AMHR2: variants seen among roughly 807,000 people sequenced by gnomAD.
AMHR2 encodes the protein anti-Mullerian hormone receptor type 2.
AMHR2 carries 36 observed loss-of-function variants against 61.4 expected under a neutral mutation model. The observed-to-expected ratio is 0.59, with a 90% CI of 0.45 to 0.77. The LOEUF (loss-of-function observed/expected upper bound fraction) is 0.77, where lower values mean the gene tolerates loss of function less well. Ranked by LOEUF, AMHR2 falls within the 30% of genes least tolerant of loss-of-function variation. The pLI is 0.00. For synonymous variants in AMHR2, 258 were observed against 279.4 expected (o/e 0.92, Z 0.76); for missense variants, 638 against 714.6 (o/e 0.89, Z 1.22).
Position 53,430,144 on chromosome 12 carries a change from AG to A in AMHR2, c.1289-1del. On this transcript the variant is annotated splice_acceptor_variant, in intron 9 of 10. Transcript: ENST00000257863. LOFTEE classifies it high-confidence loss of function. ...ATACCCAGCCCCTCTACCTTCCTCC[AG>A]ACAGCAGTCCACCACCCTTCCAACT... is the stretch of plus-strand genomic sequence containing the variant. 6.2e-7 allele frequency: 1 copy of A among 1,614,134 alleles called. No individual in the cohort carries two copies. Among genetic ancestry groups the A allele is most frequent in the African/African-American group, 1.3e-5 (1 of 75,014 alleles).
chr12:53,424,118 C>T (rs1939307409), intron 1 of AMHR2, 135 bp downstream of exon 1: 8 of 1,306,172 alleles, frequency 6.1e-6, no homozygotes, highest in Non-Finnish European at 7.7e-6. Context: ...AGCCATGTGT[C>T]CCCATGGCAG....
intron 10 of AMHR2, chr12:53,430,793 T>A (rs1312032580): frequency 2.7e-6 from 1 of 367,656 alleles, no homozygotes; most frequent in Non-Finnish European, 5.1e-6. Context: ...AATACTTTTT[T>A]AACAAAATGT....
chr12:53,425,904 G>A lies in AMHR2; in HGVS notation c.837G>A (p.Leu279=), dbSNP rs1939535944. The A allele has an allele frequency of 1.9e-6, 3 of 1,613,998 alleles. No homozygotes were observed. The highest frequency in any genetic ancestry group is 4.5e-5 in the East Asian group (2 of 44,882). ...TGCTCTCTGGGCCCCTGCTGGTACT[G>A]GAACTGCATCCCAAGGTGAGCACCA... ...GRLLSGPLLV[L]ELHPKGSLCH... Residue 279 remains leucine (L), a synonymous_variant, in exon 6 of 11, where the codon CTG becomes CTA. Coordinates refer to ENST00000257863, the MANE Select transcript of AMHR2 (RefSeq NM_020547.3).
rs188851487 is a variant in AMHR2 at position 53,430,972 on chromosome 12, A to G, written c.1426-205A>G. The G allele has an allele frequency of 1.5e-5, 10 of 648,874 alleles. No individual in the cohort carries two copies. The Admixed American group carries it at 2.3e-4, about 15-fold the overall frequency. The allele number at this position is 648,874 out of a possible 1,614,324, so 40.2% of individuals were successfully genotyped here. A position where few individuals can be genotyped will look rare whatever the true frequency, so the allele number is the denominator to read the frequency against. ...AGCTCCTCAGAGGAAACAGTGGGCT[A>G]TACAGAAGGCCCCCAGAGAGCCTGT... On this transcript the variant is annotated intron_variant, in intron 10 of 10. Transcript: ENST00000257863.
Position 53,424,830 on chromosome 12 carries a change from C to G in AMHR2, c.354C>G (p.Ala118=). 1 of 1,613,998 alleles carries G rather than the reference C, an allele frequency of 6.2e-7. No homozygotes were observed. The highest frequency in any genetic ancestry group is 8.5e-7 in the Non-Finnish European group (1 of 1,179,990). ...CCTGTGGCACTGACTTCTGCAATGC[C>G]AATTACAGCCATCTGCCTCCTCCAG... ...TCSCGTDFCN[A]NYSHLPPPGS... The change falls in exon 3 of 11, where the codon GCC becomes GCG. Residue 118 remains alanine (A), a synonymous_variant. Transcript: ENST00000257863.
At position 53,429,970 on chromosome 12, in the gene AMHR2, T is replaced by G. The variant is rs747203537; in HGVS notation, c.1280T>G (p.Leu427Trp). 1 of 1,614,188 alleles carries G rather than the reference T, an allele frequency of 6.2e-7. No homozygotes were observed. The highest frequency in any genetic ancestry group is 8.5e-7 in the Non-Finnish European group (1 of 1,180,026). The change falls in exon 9 of 11, where the codon TTG (leucine) becomes TGG (tryptophan). Residue 427 changes from leucine (L) to tryptophan (W), a missense_variant. Coordinates refer to ENST00000257863, the MANE Select transcript of AMHR2 (RefSeq NM_020547.3). ...GAGATACTGAGCCGCTGCCCAGATT[T>G]GAGGCCTGGTAAGGATGGGTGGTAC... ...LWEILSRCPD[L>W]RPDSSPPPFQ... is the part of the protein sequence containing the mutation.
rs111460751 is a variant in AMHR2 at position 53,425,427 on chromosome 12, C to T, written c.503-28C>T. 6.7e-4 allele frequency: 1,086 copies of T among 1,612,378 alleles called. 13 individuals carry two copies. The African/African-American group carries it at 0.013, about 19-fold the overall frequency. On this transcript the variant is annotated intron_variant, in intron 4 of 10. Transcript: ENST00000257863. ...TTTCCTGTCCCTATGCATTTGCACCCTGACCCTAAGGCTCTTGTCTGTTCC... is the reference window on the plus strand; with the variant it reads ...TTTCCTGTCCCTATGCATTTGCACCTTGACCCTAAGGCTCTTGTCTGTTCC...
intron 10 of AMHR2, chr12:53,430,823 A>C (rs183860768): frequency 1.1e-4 from 47 of 413,142 alleles, no homozygotes; most frequent in African/African-American, 9.2e-4. Flanking sequence ...ACCTGATCTG[A>C]AATTTCCACG....
At position 53,429,433 on chromosome 12, in the gene AMHR2, A is replaced by G. The variant is rs1336303470; in HGVS notation, c.968-20A>G. 4 of 1,606,260 alleles carry G rather than the reference A, an allele frequency of 2.5e-6. No homozygotes were observed. The highest frequency in any genetic ancestry group is 1.1e-5 in the South Asian group (1 of 90,994). On this transcript the variant is annotated intron_variant, in intron 7 of 10. Coordinates refer to ENST00000257863, the MANE Select transcript of AMHR2 (RefSeq NM_020547.3). ...GGAGGAAGAAAATCCATGTTCCTTCAACCTTGGATTCCCCCACAGGCCAAT... is the reference window on the plus strand; with the variant it reads ...GGAGGAAGAAAATCCATGTTCCTTCGACCTTGGATTCCCCCACAGGCCAAT...
intron 4 of AMHR2, 89 bp downstream of exon 4, chr12:53,425,331 C>T: frequency 6.2e-7 from 1 of 1,606,824 alleles, no homozygotes; most frequent in Admixed American, 1.7e-5. Context: ...ACCCCATGGT[C>T]TTGGGATCTC....
At chr12:53,425,346 G>T in intron 4 of AMHR2, 104 bp downstream of exon 4, 1 of 1,605,330 alleles carries the variant, frequency 6.2e-7, no homozygotes, top group Admixed American at 1.7e-5. Flanking sequence ...GATCTCTATA[G>T]CCTGATTCCC....
Position 53,431,386 on chromosome 12 carries a change from G to A in AMHR2, c.1635G>A (p.Arg545=). ...SIPAPTILPC[R]PQRSACHFSV... Reference sequence around the variant, plus strand: ...CTGCCCCTACCATCCTCCCCTGTAGGCCTCAGCGGAGTGCCTGCCACTTCA... The same window carrying A: ...CTGCCCCTACCATCCTCCCCTGTAGACCTCAGCGGAGTGCCTGCCACTTCA... Residue 545 remains arginine (R), a synonymous_variant, in exon 11 of 11, where the codon AGG becomes AGA. Transcript: ENST00000257863. The A allele has an allele frequency of 6.2e-7, 1 of 1,614,202 alleles. No homozygotes were observed. The highest frequency in any genetic ancestry group is 1.1e-5 in the South Asian group (1 of 91,080).
chr12:53,429,781 T>C lies in AMHR2; in HGVS notation c.1141-50T>C, dbSNP rs763792814. 6.8e-6 allele frequency: 11 copies of C among 1,613,256 alleles called. No individual in the cohort carries two copies. In the Admixed American group the frequency reaches 1.5e-4, roughly 22 times the overall value. ...GATATTGCATGGACCATTGCTGCAA[T>C]GAGGATTGCCACAGAGATGATTCTT... On this transcript the variant is annotated intron_variant, in intron 8 of 10. Transcript: ENST00000257863.
Position 53,431,502 on chromosome 12 carries a change from A to G in AMHR2, c.*29A>G. On this transcript the variant is annotated 3_prime_UTR_variant, in exon 11 of 11. Transcript: ENST00000257863. ...TGCAGTTTATGTGTCATCAATGTAC[A>G]TGCCAACATAAATATGGCGATTGTA... is the stretch of plus-strand genomic sequence containing the variant. 6.2e-7 allele frequency: 1 copy of G among 1,613,564 alleles called. No individual in the cohort carries two copies. The highest frequency in any genetic ancestry group is 1.7e-4 in the Middle Eastern group (1 of 6,060).
Position 53,428,908 on chromosome 12 carries a change from C to T in AMHR2, c.865C>T (p.His289Tyr), listed in dbSNP as rs1302216581. 4 of 1,551,500 alleles carry T rather than the reference C, an allele frequency of 2.6e-6. No individual in the cohort carries two copies. The highest frequency in any genetic ancestry group is 2.4e-5 in the South Asian group (2 of 84,056). ...TGCGTTTCCCCAGGGCTCCCTGTGC[C>T]ACTACTTGACCCAGTACACCAGTGA... ...LELHPKGSLC[H>Y]YLTQYTSDWG... Residue 289 changes from histidine (H) to tyrosine (Y), a missense_variant, in exon 7 of 11, where the codon CAC becomes TAC. By Grantham distance (83) the His-to-Tyr change is moderately conservative. Coordinates refer to ENST00000257863, the MANE Select transcript of AMHR2 (RefSeq NM_020547.3).
chr12:53,431,351 A>T lies in AMHR2; in HGVS notation c.1600A>T (p.Thr534Ser). Residue 534 changes from threonine to serine, a missense_variant, in exon 11 of 11, where the codon ACT becomes TCT. Physicochemically the swap from Thr to Ser is moderately conservative, Grantham distance 58. Coordinates refer to ENST00000257863, the MANE Select transcript of AMHR2 (RefSeq NM_020547.3). ...CCCACCTCTCTGCCCAGAAGACTGTACTTCAATTCCTGCCCCTACCATCCT... is the reference window on the plus strand; with the variant it reads ...CCCACCTCTCTGCCCAGAAGACTGTTCTTCAATTCCTGCCCCTACCATCCT... ...GCPPLCPEDC[T>S]SIPAPTILPC... 1 of 1,614,152 alleles carries T rather than the reference A, an allele frequency of 6.2e-7. No homozygotes were observed. Among genetic ancestry groups the T allele is most frequent in the Non-Finnish European group, 8.5e-7 (1 of 1,180,026 alleles).
rs1244793434 is a variant in AMHR2, at chr12:53,431,597, A to G, written c.*124A>G. On this transcript the variant is annotated 3_prime_UTR_variant, in exon 11 of 11. Transcript: ENST00000257863. The stretch of plus-strand genomic sequence containing the variant: ...TCCTTGGATTCTTCTGCGGGCATCC[A>G]GTCCACATCAGTTCTGACCAGTGAC... The G allele has an allele frequency of 1.6e-6, 2 of 1,238,636 alleles. No homozygotes were observed. The highest frequency in any genetic ancestry group is 3.0e-5 in the African/African-American group (2 of 67,640). The allele number at this position is 1,238,636 out of a possible 1,614,324, so 76.7% of individuals were successfully genotyped here. A position where few individuals can be genotyped will look rare whatever the true frequency, so the allele number is the denominator to read the frequency against.
chr12:53,426,443 G>A (rs1939597870), intron 6 of AMHR2, among the ~76,000 whole-genome samples: 2 of 152,162 alleles, frequency 1.3e-5, no homozygotes, highest in South Asian at 2.1e-4. Flanking sequence ...GGGCAACACC[G>A]TGAAACCCCA....
In AMHR2 at chr12:53,429,559, C is replaced by T; in HGVS notation, c.1074C>T (p.Leu358=). 2 of 1,613,968 alleles carry T rather than the reference C, an allele frequency of 1.2e-6. No homozygotes were observed. The highest frequency in any genetic ancestry group is 1.3e-5 in the African/African-American group (1 of 74,960). The change falls in exon 8 of 11, where the codon CTC becomes CTT. Residue 358 remains leucine (L), a synonymous_variant. Coordinates refer to ENST00000257863, the MANE Select transcript of AMHR2 (RefSeq NM_020547.3). ...GAGACCTGGGCCTTGCCTTGGTGCT[C>T]CCTGGCCTCACTCAGCCCCCTGCCT... ...AIGDLGLALV[L]PGLTQPPAWT...
Sources: allele counts gnomAD v4.1 joint callset (sites outside exome capture counted in the v4.1 genomes callset), GRCh38; gene constraint gnomAD v4.1.1; transcripts MANE v1.5; gene names NCBI Gene and HGNC (gene_info 2026-07-23, HGNC 2026-07-21).